Variants in CIT observed in about 807,000 individuals in gnomAD.
CIT encodes the protein citron Rho-interacting kinase.
Under a neutral mutation model 272.7 loss-of-function variants are expected in CIT, and 79 were observed. The observed-to-expected ratio is 0.29, with a 90% CI of 0.24 to 0.35. The LOEUF (loss-of-function observed/expected upper bound fraction) is 0.35. Among genes scored for constraint, CIT ranks in the 10% least tolerant of loss-of-function variants. CIT has a pLI of 1.00. For synonymous variants in CIT, 948 were observed against 995.6 expected (o/e 0.95, Z 0.90); for missense variants, 1,909 against 2,618.3 (o/e 0.73, Z 5.91).
At position 119,784,505 on chromosome 12, in the gene CIT, T is replaced by G; in HGVS notation, c.1402-454A>C. The stretch of plus-strand genomic sequence containing the variant: ...GAGTCCCAGGCAAGCAGTGACTTAT[T>G]AGTTTCCAGAGCGTTGCCTCTGGGC... On this transcript the variant is annotated intron_variant, in intron 11 of 47. Coordinates refer to ENST00000392521, the MANE Select transcript of CIT (RefSeq NM_001206999.2). This position sits in a 1 kb window ranked among gnomAD's most constrained non-coding sequence, Gnocchi z 4.7. 1 of 1,186,734 alleles carries G rather than the reference T, an allele frequency of 8.4e-7. No individual in the cohort carries two copies. The highest frequency in any genetic ancestry group is 1.1e-6 in the Non-Finnish European group (1 of 944,836). 73.5% of individuals were successfully genotyped at this position (1,186,734 alleles called of 1,614,324 possible). A position where few individuals can be genotyped will look rare whatever the true frequency, so the allele number is the denominator to read the frequency against.
At chr12:119,861,491 G>A (rs1566139816) in intron 3 of CIT, among the ~76,000 whole-genome samples, 1 of 151,976 alleles carries the variant, frequency 6.6e-6, no homozygotes, top group Non-Finnish European at 1.5e-5. Context: ...GGAGGCTGAG[G>A]CAGGAGAATC....
intron 24 of CIT, among the ~76,000 whole-genome samples, chr12:119,741,412 T>C (rs1486485665): frequency 1.3e-5 from 2 of 152,224 alleles, no homozygotes; most frequent in Non-Finnish European, 2.9e-5. Flanking sequence ...TTGATCTACA[T>C]TGGGGTTACC....
chr12:119,717,918 G>A (rs960787328), intron 32 of CIT, among the ~76,000 whole-genome samples: 4 of 137,132 alleles, frequency 2.9e-5, no homozygotes, highest in African/African-American at 8.6e-5. Flanking sequence ...CTCGGCTACC[G>A]CAACCTCCGC....
rs1349939612 is a variant in CIT, at chr12:119,710,929, G to A, written c.4855-309C>T. The A allele has an allele frequency of 6.3e-6, 5 of 790,892 alleles. No homozygotes were observed. The highest frequency in any genetic ancestry group is 3.5e-5 in the African/African-American group (2 of 56,512). The allele number at this position is 790,892 out of a possible 1,614,324, so 49.0% of individuals were successfully genotyped here. ...TAATAAGAAATAAGCTGAAGCTAAG[G>A]AGATTTCACCTGCGCAGGGTTAATA... On this transcript the variant is annotated intron_variant, in intron 37 of 47. Coordinates refer to ENST00000392521, the MANE Select transcript of CIT (RefSeq NM_001206999.2). This position sits in a 1 kb window ranked among gnomAD's most constrained non-coding sequence, Gnocchi z 5.6.
At chr12:119,769,744 C>T (rs1327178555) in intron 18 of CIT, among the ~76,000 whole-genome samples, 1 of 152,156 alleles carries the variant, frequency 6.6e-6, no homozygotes, top group Non-Finnish European at 1.5e-5. Context: ...CTTAGCAAAA[C>T]AATTTAACCC....
Position 119,690,457 on chromosome 12 carries a change from G to A in CIT, c.5883-3C>T. On this transcript the variant is annotated splice_polypyrimidine_tract_variant and splice_region_variant and intron_variant, in intron 46 of 47. Coordinates refer to ENST00000392521, the MANE Select transcript of CIT (RefSeq NM_001206999.2). This position sits in a 1 kb window ranked among gnomAD's most constrained non-coding sequence, Gnocchi z 6.0. ...GTGGGCCTCGCTTGTTGGGGCTGCTGGCGACACAAGAGGAACGTAGGGAGC... is the reference window on the plus strand; with the variant it reads ...GTGGGCCTCGCTTGTTGGGGCTGCTAGCGACACAAGAGGAACGTAGGGAGC... 1 of 1,581,174 alleles carries A rather than the reference G, an allele frequency of 6.3e-7. No homozygotes were observed.
Position 119,685,911 on chromosome 12 carries a change from G to A in CIT, c.*2321C>T, listed in dbSNP as rs1412892320. The A allele has an allele frequency of 1.3e-5, 2 of 152,490 alleles. No individual in the cohort carries two copies. The highest frequency in any genetic ancestry group is 1.3e-4 in the Admixed American group (2 of 15,280). The allele number at this position is 152,490 out of a possible 1,614,324, so 9.4% of individuals were successfully genotyped here. The stretch of plus-strand genomic sequence containing the variant: ...CGTTCTGAATAAAAAAGGTAATGAA[G>A]AAAAAGCCTGTACTTTTGGAGACCT... On this transcript the variant is annotated 3_prime_UTR_variant, in exon 48 of 48. Coordinates refer to ENST00000392521, the MANE Select transcript of CIT (RefSeq NM_001206999.2).
intron 15 of CIT, 149 bp downstream of exon 15, chr12:119,776,209 C>G: frequency 1.4e-6 from 1 of 710,600 alleles, no homozygotes; most frequent in Non-Finnish European, 2.5e-6. Context: ...ATGTGGTCAC[C>G]CAAAGGTGGA....
chr12:119,757,712 C>T (rs1695244815), intron 21 of CIT, among the ~76,000 whole-genome samples, 167 bp from the exon 22 acceptor site: 2 of 152,158 alleles, frequency 1.3e-5, no homozygotes, highest in African/African-American at 4.8e-5. Context: ...AGCATGATCC[C>T]GGCATGACGA....
chr12:119,740,330 T>A (rs1958995473), intron 24 of CIT, among the ~76,000 whole-genome samples: 1 of 152,148 alleles, frequency 6.6e-6, no homozygotes, highest in African/African-American at 2.4e-5. Context: ...GGGGACAAGA[T>A]GAATTACAAA....
chr12:119,703,675 C>CT (rs1956715770), intron 41 of CIT, among the ~76,000 whole-genome samples: 2 of 152,210 alleles, frequency 1.3e-5, no homozygotes, highest in East Asian at 3.8e-4. Context: ...ATCCACCCTC[C>CT]TCGGCCTCCC....
chr12:119,749,109 C>T (rs894469670), intron 23 of CIT, among the ~76,000 whole-genome samples: 8 of 152,224 alleles, frequency 5.3e-5, no homozygotes, highest in Non-Finnish European at 7.3e-5. Context: ...CCAGCTGCAC[C>T]GCCAAGACCC....
Position 119,754,649 on chromosome 12 carries a change from G to A in CIT, c.2707-2402C>T, listed in dbSNP as rs529739289. ...TCCTTTAAGGCGGATCAAACTCCAG[G>A]TGGAGGCCTCTGCCCTCAATCTCAG... On this transcript the variant is annotated intron_variant, in intron 22 of 47. Coordinates refer to ENST00000392521, the MANE Select transcript of CIT (RefSeq NM_001206999.2). Among the ~76,000 whole-genome samples the A allele has an allele frequency of 2.0e-5, 3 of 152,342 alleles. No homozygotes were observed. The South Asian group carries it at 6.2e-4, about 32-fold the overall frequency.
At chr12:119,860,093 C>T (rs1311348081) in intron 3 of CIT, among the ~76,000 whole-genome samples, 1 of 152,210 alleles carries the variant, frequency 6.6e-6, no homozygotes, top group Admixed American at 6.5e-5. Context: ...ACTGGGATTA[C>T]AGGCATGAAC....
chr12:119,875,318 A>G (rs1950810338), intron 2 of CIT, among the ~76,000 whole-genome samples: 3 of 152,242 alleles, frequency 2.0e-5, no homozygotes, highest in Admixed American at 2.0e-4. Flanking sequence ...CAACCAATCA[A>G]TCAATGAATG....
intron 20 of CIT, 68 bp downstream of exon 20, chr12:119,760,870 CA>C (rs1311673114): frequency 1.6e-5 from 16 of 974,474 alleles, no homozygotes; most frequent in East Asian, 1.2e-4. Flanking sequence ...AGAGTCTTAT[CA>C]GGGGTGATTC....
chr12:119,719,017 T>G lies in CIT; in HGVS notation c.3841-156A>C, dbSNP rs186154582. On this transcript the variant is annotated intron_variant, in intron 30 of 47. Transcript: ENST00000392521. ...AATGGCATGTGAAGGGGGGGAAGGGTAGGCTGAGCCACAGCCCGTTCCAGC... is the reference window on the plus strand; with the variant it reads ...AATGGCATGTGAAGGGGGGGAAGGGGAGGCTGAGCCACAGCCCGTTCCAGC... 3.8e-5 allele frequency: 27 copies of G among 715,346 alleles called. No individual in the cohort carries two copies. The African/African-American group carries it at 4.3e-4, about 11-fold the overall frequency. 44.3% of individuals were successfully genotyped at this position (715,346 alleles called of 1,614,324 possible).
At chr12:119,835,947 T>C (rs1037668952) in intron 5 of CIT, among the ~76,000 whole-genome samples, 1 of 152,072 alleles carries the variant, frequency 6.6e-6, no homozygotes, top group Non-Finnish European at 1.5e-5. Context: ...CACTGGACAA[T>C]TGCATTTGAA....
intron 3 of CIT, among the ~76,000 whole-genome samples, chr12:119,862,808 T>TAAAAAAAAAAAAAAAAA (rs1157467178): frequency 3.9e-4 from 4 of 10,252 alleles, no homozygotes; most frequent in Non-Finnish European, 5.6e-4. Context: ...AGACTCTACC[T>TAAAAAAAAAAAAAAAAA]AAAAAAAAAA....
Sources: allele counts gnomAD v4.1 joint callset (sites outside exome capture counted in the v4.1 genomes callset), GRCh38; gene constraint gnomAD v4.1.1; non-coding constraint Gnocchi (gnomAD v3.1); transcripts MANE v1.5; gene names NCBI Gene and HGNC (gene_info 2026-07-23, HGNC 2026-07-21).